The following MTHFS variants were observed in gnomAD, a reference collection of about 807,000 sequenced individuals.
MTHFS encodes the protein 5-formyltetrahydrofolate cyclo-ligase.
MTHFS carries 7 observed loss-of-function variants against 12.7 expected under a neutral mutation model. The observed-to-expected ratio is 0.55, with a 90% CI of 0.31 to 1.03. The LOEUF is 1.03. MTHFS is among the 50% of genes least tolerant of loss of function. The probability of loss-of-function intolerance (pLI) is 0.05; values close to 1 mark genes in which losing one functional copy is unlikely to be tolerated. For missense variants in MTHFS, 252 were observed against 258.1 expected, an observed-to-expected ratio of 0.98 and a Z score of 0.16; for synonymous variants, 100 against 97.1, an observed-to-expected ratio of 1.03 and a Z score of -0.18.
chr15:79,896,722 G>A, intron 1 of MTHFS, 150 bp downstream of exon 1: 1 of 923,822 alleles, frequency 1.1e-6, no homozygotes, highest in Non-Finnish European at 1.4e-6. Context: ...GGGGGCGTGC[G>A]CGCGCCGGGA....
intron 1 of MTHFS, 48 bp downstream of exon 1, chr15:79,896,824 C>T (rs1272349555): frequency 4.8e-5 from 74 of 1,537,098 alleles, no homozygotes; most frequent in Non-Finnish European, 6.4e-5. Context: ...GCCGCCAGGC[C>T]TTCGGAGGGT....
intron 2 of MTHFS, among the ~76,000 whole-genome samples, chr15:79,866,189 G>A (rs1162427729): frequency 6.6e-6 from 1 of 151,988 alleles, no homozygotes; most frequent in East Asian, 1.9e-4. Context: ...ATGAATAAAA[G>A]GATCTGTGTT....
chr15:79,897,151 G>A (rs1405685040), upstream of MTHFS: 6 of 605,752 alleles, frequency 9.9e-6, 1 homozygote, highest in Admixed American at 8.7e-5. Context: ...GCGGCGCGCC[G>A]CGCGCTTACC....
Position 79,845,416 on chromosome 15 carries a change from C to G in MTHFS, c.406G>C (p.Gly136Arg). ...TTGCCATGTTTGTCAAACCCAAGGC[C>G]TGGCATGAAGATGAGATCAAGTCCC... The part of the protein sequence containing the change: ...TGGLDLIFMP[G>R]LGFDKHGNRL... Residue 136 changes from glycine to arginine, a missense_variant, in exon 3 of 3, where the codon GGC (glycine) becomes CGC (arginine). By Grantham distance (125) the Gly-to-Arg change is moderately radical. Coordinates refer to ENST00000258874, the MANE Select transcript of MTHFS (RefSeq NM_006441.4). 1 of 1,614,146 alleles carries G rather than the reference C, an allele frequency of 6.2e-7. No individual in the cohort carries two copies. The highest frequency in any genetic ancestry group is 8.5e-7 in the Non-Finnish European group (1 of 1,180,018).
chr15:79,866,133 C>T (rs2034007085), intron 2 of MTHFS, among the ~76,000 whole-genome samples: 1 of 151,310 alleles, frequency 6.6e-6, no homozygotes, highest in Non-Finnish European at 1.5e-5. Flanking sequence ...ATTCGAGAGG[C>T]TAATGGCTAA....
intron 1 of MTHFS, among the ~76,000 whole-genome samples, chr15:79,894,250 A>G (rs2034526472): frequency 6.6e-6 from 1 of 152,080 alleles, no homozygotes; most frequent in African/African-American, 2.4e-5. Flanking sequence ...GCATGGCGGC[A>G]CGTGCCTGTA....
chr15:79,847,290 G>A (rs2141338257), intron 2 of MTHFS, among the ~76,000 whole-genome samples: 1 of 152,250 alleles, frequency 6.6e-6, no homozygotes, highest in African/African-American at 2.4e-5. Context: ...CATGAGTGTA[G>A]AGTTCACCAG....
intron 2 of MTHFS, among the ~76,000 whole-genome samples, chr15:79,855,065 A>G (rs1445732616): frequency 2.0e-5 from 3 of 152,224 alleles, no homozygotes; most frequent in Non-Finnish European, 4.4e-5. Flanking sequence ...GCAGAATTGA[A>G]TCACTGCAAC....
chr15:79,875,563 A>G (rs1183834710), intron 2 of MTHFS, among the ~76,000 whole-genome samples: 1 of 152,196 alleles, frequency 6.6e-6, no homozygotes. Context: ...TATACCATTT[A>G]CAACAATTCA....
intron 2 of MTHFS, 127 bp from the exon 3 acceptor site, chr15:79,845,569 T>C: frequency 7.6e-7 from 1 of 1,308,512 alleles, no homozygotes; most frequent in Non-Finnish European, 1.0e-6. Context: ...TGACCATTAA[T>C]ATCCAAAAAG....
At chr15:79,853,664 A>T (rs2033752544) in intron 2 of MTHFS, among the ~76,000 whole-genome samples, 1 of 152,202 alleles carries the variant, frequency 6.6e-6, no homozygotes. Context: ...AACCATGTGC[A>T]AGGGTGGGCC....
chr15:79,887,468 T>C (rs1218410003), intron 2 of MTHFS, among the ~76,000 whole-genome samples: 2 of 152,224 alleles, frequency 1.3e-5, no homozygotes, highest in Admixed American at 6.5e-5. Context: ...GAGCTGCCTC[T>C]AGAGGAATTA....
chr15:79,891,557 T>C (rs904619314), intron 1 of MTHFS, among the ~76,000 whole-genome samples: 1 of 151,862 alleles, frequency 6.6e-6, no homozygotes, highest in Non-Finnish European at 1.5e-5. Context: ...GAGAAAGCCG[T>C]GGAGTAGGGG....
At chr15:79,852,769 A>C (rs1019275559) in intron 2 of MTHFS, among the ~76,000 whole-genome samples, 2 of 152,218 alleles carry the variant, frequency 1.3e-5, no homozygotes, top group Non-Finnish European at 1.5e-5. Context: ...TCATTCTGCT[A>C]ATCAGTTACT....
chr15:79,852,244 C>A (rs1296915102), intron 2 of MTHFS, among the ~76,000 whole-genome samples: 1 of 152,170 alleles, frequency 6.6e-6, no homozygotes, highest in African/African-American at 2.4e-5. Flanking sequence ...TTAGAAAGAA[C>A]AGACTGAAGC....
At chr15:79,870,756 G>A (rs952459387) in intron 2 of MTHFS, among the ~76,000 whole-genome samples, 2 of 151,974 alleles carry the variant, frequency 1.3e-5, no homozygotes, top group Non-Finnish European at 2.9e-5. Flanking sequence ...GAAAATAATC[G>A]AATGTCAATG....
Position 79,843,560 on chromosome 15 carries a change from T to A in MTHFS, c.*1650A>T, listed in dbSNP as rs992578527. 6.6e-6 allele frequency: 1 copy of A among 152,230 alleles called. No homozygotes were observed. Among genetic ancestry groups the A allele is most frequent in the Non-Finnish European group, 1.5e-5 (1 of 68,042 alleles). 9.4% of individuals were successfully genotyped at this position (152,230 alleles called of 1,614,324 possible). A position where few individuals can be genotyped will look rare whatever the true frequency, so the allele number is the denominator to read the frequency against. On this transcript the variant is annotated 3_prime_UTR_variant, in exon 3 of 3. Transcript: ENST00000258874. The stretch of plus-strand genomic sequence containing the variant: ...TATTCAGCCTGATATTTTTCAAATG[T>A]TTTTACTTTTGTACATAAAACATCA...
At chr15:79,870,759 T>C (rs2034088456) in intron 2 of MTHFS, among the ~76,000 whole-genome samples, 1 of 152,190 alleles carries the variant, frequency 6.6e-6, no homozygotes, top group East Asian at 1.9e-4. Context: ...AATAATCGAA[T>C]GTCAATGAAA....
At chr15:79,876,805 G>T (rs2034204988) in intron 2 of MTHFS, 1 of 152,010 alleles carries the variant, frequency 6.6e-6, no homozygotes, top group Admixed American at 6.6e-5. Context: ...AGCACTTTGG[G>T]AAGCCAAGGC....
Sources: allele counts gnomAD v4.1 joint callset (sites outside exome capture counted in the v4.1 genomes callset), GRCh38; gene constraint gnomAD v4.1.1; transcripts MANE v1.5; gene names NCBI Gene and HGNC (gene_info 2026-07-23, HGNC 2026-07-21).